Variants in ASTN2 observed in about 807,000 individuals in gnomAD.
The protein encoded by ASTN2 is astrotactin-2.
Under a neutral mutation model 139.8 loss-of-function variants are expected in ASTN2, and 54 were observed. The ratio of observed to expected loss-of-function variants is 0.39; its 90% confidence interval spans 0.31 to 0.48. The LOEUF is 0.48. ASTN2 is among the 20% of genes least tolerant of loss of function. The pLI is 0.95. For missense variants in ASTN2, 1,565 were observed against 1,725.1 expected (o/e 0.91, Z 1.64); for synonymous variants, 756 against 719.5 (o/e 1.05, Z -0.81).
intron 10 of ASTN2, among the ~76,000 whole-genome samples, chr9:116,885,495 G>T (rs745477557): frequency 6.6e-6 from 1 of 152,020 alleles, no homozygotes; most frequent in Non-Finnish European, 1.5e-5. Flanking sequence ...GCAAAACCTC[G>T]TCTCTACTAA....
intron 19 of ASTN2, among the ~76,000 whole-genome samples, chr9:116,601,876 T>C (rs754838085): frequency 1.3e-5 from 2 of 152,124 alleles, no homozygotes; most frequent in Admixed American, 1.3e-4. Flanking sequence ...AATGACTACA[T>C]TGATTGTTAT....
intron 19 of ASTN2, among the ~76,000 whole-genome samples, chr9:116,574,181 T>C (rs1309680470): frequency 6.6e-6 from 1 of 152,210 alleles, no homozygotes; most frequent in African/African-American, 2.4e-5. Context: ...TGCAAGTGCT[T>C]GACATTGCCA....
intron 5 of ASTN2, among the ~76,000 whole-genome samples, chr9:117,054,375 C>T (rs1357887602): frequency 2.3e-4 from 35 of 152,164 alleles, no homozygotes; most frequent in Non-Finnish European, 7.3e-5. Flanking sequence ...CTTCTGTCCC[C>T]TGTTCATCAT....
chr9:117,323,828 A>G (rs1212639351), intron 1 of ASTN2, among the ~76,000 whole-genome samples: 1 of 152,082 alleles, frequency 6.6e-6, no homozygotes, highest in Non-Finnish European at 1.5e-5. Context: ...TTATTATGAC[A>G]CACATACTTT....
At chr9:116,696,724 G>A (rs941000768) in intron 16 of ASTN2, among the ~76,000 whole-genome samples, 1 of 151,960 alleles carries the variant, frequency 6.6e-6, no homozygotes, top group African/African-American at 2.4e-5. Flanking sequence ...TTGAATATCT[G>A]AAGAGCAGGA....
intron 18 of ASTN2, 31 bp downstream of exon 18, chr9:116,620,279 G>C (rs772322236): frequency 1.2e-6 from 2 of 1,613,814 alleles, no homozygotes; most frequent in African/African-American, 2.7e-5. Context: ...GAAAAGGGAT[G>C]GCCAAAGGAA....
chr9:116,427,861 T>G (rs1369763885), intron 22 of ASTN2, among the ~76,000 whole-genome samples: 1 of 152,290 alleles, frequency 6.6e-6, no homozygotes, highest in African/African-American at 2.4e-5. Context: ...CTGAGGAGTT[T>G]CTTTTCCATT....
chr9:116,841,161 G>A (rs1017370232), intron 11 of ASTN2, among the ~76,000 whole-genome samples: 2 of 152,228 alleles, frequency 1.3e-5, no homozygotes, highest in East Asian at 1.9e-4. Flanking sequence ...GATCACTCGC[G>A]GTTAGGAGCT....
At chr9:116,873,604 G>A (rs1419058793) in intron 10 of ASTN2, among the ~76,000 whole-genome samples, 2 of 152,150 alleles carry the variant, frequency 1.3e-5, no homozygotes, top group East Asian at 3.9e-4. Context: ...TTTAATAATT[G>A]CCTATGGGAT....
At chr9:116,789,987 G>A (rs564686620) in intron 13 of ASTN2, among the ~76,000 whole-genome samples, 429 of 143,126 alleles carry the variant, frequency 3.0e-3, no homozygotes, top group Non-Finnish European at 4.5e-3. Flanking sequence ...GTGCAGTGGC[G>A]TGGTCTTGGC....
At chr9:116,682,998 C>T (rs1056358485) in intron 16 of ASTN2, among the ~76,000 whole-genome samples, 17 of 149,266 alleles carry the variant, frequency 1.1e-4, no homozygotes, top group African/African-American at 3.5e-4. Flanking sequence ...GCACATTGTG[C>T]ACATGTACCC....
At chr9:116,945,206 C>T (rs1835357104) in intron 10 of ASTN2, among the ~76,000 whole-genome samples, 2 of 152,174 alleles carry the variant, frequency 1.3e-5, no homozygotes, top group African/African-American at 4.8e-5. Flanking sequence ...AAGACCTCCT[C>T]CTGTCCCACT....
intron 10 of ASTN2, among the ~76,000 whole-genome samples, chr9:116,896,207 C>A (rs184411557): frequency 1.3e-5 from 2 of 152,086 alleles, no homozygotes; most frequent in Non-Finnish European, 2.9e-5. Context: ...GAGGTGATTC[C>A]AGGAAGCAAG....
chr9:116,996,710 T>C (rs1263904256), intron 7 of ASTN2, among the ~76,000 whole-genome samples: 1 of 152,140 alleles, frequency 6.6e-6, no homozygotes, highest in African/African-American at 2.4e-5. Context: ...TGGAACTCTT[T>C]ACAACATGGC....
intron 19 of ASTN2, among the ~76,000 whole-genome samples, chr9:116,563,978 G>A (rs1263387962): frequency 6.6e-6 from 1 of 152,220 alleles, no homozygotes; most frequent in African/African-American, 2.4e-5. Flanking sequence ...ACAAAGAAGA[G>A]AGGTAGAGGA....
chr9:117,312,210 G>A (rs1827995552), intron 1 of ASTN2, among the ~76,000 whole-genome samples: 1 of 152,216 alleles, frequency 6.6e-6, no homozygotes, highest in African/African-American at 2.4e-5. Context: ...TTTCCAAAGA[G>A]TGGGAAAATG....
At chr9:117,138,993 A>G (rs1202838349) in intron 4 of ASTN2, among the ~76,000 whole-genome samples, 1 of 152,212 alleles carries the variant, frequency 6.6e-6, no homozygotes, top group Admixed American at 6.5e-5. Flanking sequence ...TGAAAAATTC[A>G]TTGACATAAA....
In ASTN2 at chr9:116,632,240, A is replaced by G. The variant is rs138811331; in HGVS notation, c.3073-11797T>C. On this transcript the variant is annotated intron_variant, in intron 17 of 22. Transcript: ENST00000313400. Reference sequence around the variant, plus strand: ...AAGAAAGAAAGAAAGAAAGAAAGAAAGAAAGAAAGAAGGAAAGAAAGAAAG... The same window carrying G: ...AAGAAAGAAAGAAAGAAAGAAAGAAGGAAAGAAAGAAGGAAAGAAAGAAAG... 3.6e-3 allele frequency among the ~76,000 whole-genome samples: 475 copies of G among 131,482 alleles called. 3 individuals are homozygous for G. Among genetic ancestry groups the G allele is most frequent in the African/African-American group, 8.9e-3 (262 of 29,510 alleles). 86.3% of individuals were successfully genotyped at this position (131,482 alleles called of 152,430 possible). A position where few individuals can be genotyped will look rare whatever the true frequency, so the allele number is the denominator to read the frequency against.
At chr9:116,807,284 G>C (rs1382840051) in intron 12 of ASTN2, among the ~76,000 whole-genome samples, 2 of 152,240 alleles carry the variant, frequency 1.3e-5, no homozygotes, top group Non-Finnish European at 2.9e-5. Flanking sequence ...GTGGGAACCA[G>C]TAGCTGATGC....
Sources: allele counts gnomAD v4.1 joint callset (sites outside exome capture counted in the v4.1 genomes callset), GRCh38; gene constraint gnomAD v4.1.1; transcripts MANE v1.5; gene names NCBI Gene and HGNC (gene_info 2026-07-23, HGNC 2026-07-21).